SOX5: variants seen among roughly 807,000 people sequenced by gnomAD.
SOX5 encodes SRY-box transcription factor 5.
A neutral mutation model predicts 92.0 loss-of-function variants in SOX5; 9 were observed. The ratio of observed to expected loss-of-function variants is 0.10; its 90% CI spans 0.06 to 0.17. SOX5 has a LOEUF of 0.17. Among genes scored for constraint, SOX5 ranks in the 10% least tolerant of loss-of-function variants. The probability of loss-of-function intolerance (pLI) is 1.00; values close to 1 mark genes in which losing one functional copy is unlikely to be tolerated. For missense variants in SOX5, 642 were observed against 944.5 expected (o/e 0.68, Z 4.20); for synonymous variants, 344 against 336.3 (o/e 1.02, Z -0.25).
intron 3 of SOX5, among the ~76,000 whole-genome samples, chr12:24,270,428 A>G (rs1368669388): frequency 6.6e-6 from 1 of 152,164 alleles, no homozygotes; most frequent in Non-Finnish European, 1.5e-5. Context: ...CATTTAATTT[A>G]TACTATTTGC....
At chr12:23,692,304 G>A (rs2088976931) in intron 6 of SOX5, among the ~76,000 whole-genome samples, 1 of 152,056 alleles carries the variant, frequency 6.6e-6, no homozygotes, top group South Asian at 2.1e-4. Context: ...AGGCATGGCA[G>A]CCGGCGCCTG....
intron 7 of SOX5, among the ~76,000 whole-genome samples, chr12:23,659,492 T>C (rs905022642): frequency 2.6e-4 from 40 of 152,336 alleles, no homozygotes; most frequent in African/African-American, 9.6e-4. Flanking sequence ...TTTCAATCAG[T>C]AACTTTATAT....
At chr12:24,113,689 G>A (rs1435313460) in intron 4 of SOX5, among the ~76,000 whole-genome samples, 2 of 152,078 alleles carry the variant, frequency 1.3e-5, no homozygotes, top group East Asian at 3.8e-4. Flanking sequence ...ACAGATTTCT[G>A]GACAATGAAA....
intron 4 of SOX5, among the ~76,000 whole-genome samples, chr12:23,985,242 T>TTATATTTATTTA (rs1555461588): frequency 6.7e-6 from 1 of 149,090 alleles, no homozygotes; most frequent in Admixed American, 6.7e-5. Flanking sequence ...TTTTTTTGAA[T>TTATATTTATTTA]TTTATTTATT....
chr12:24,377,894 CAGA>C (rs1957448708), intron 1 of SOX5, among the ~76,000 whole-genome samples: 1 of 152,154 alleles, frequency 6.6e-6, no homozygotes, highest in South Asian at 2.1e-4. Context: ...TTTGGAAAAT[CAGA>C]AGGTCAAAAG....
chr12:24,093,011 T>G (rs1334209542), intron 4 of SOX5, among the ~76,000 whole-genome samples: 1 of 152,140 alleles, frequency 6.6e-6, no homozygotes, highest in African/African-American at 2.4e-5. Context: ...CCATCTCATC[T>G]TAAAAAATCA....
intron 3 of SOX5, among the ~76,000 whole-genome samples, chr12:23,834,993 G>C (rs925417199): frequency 1.3e-5 from 2 of 151,780 alleles, no homozygotes; most frequent in Non-Finnish European, 2.9e-5. Flanking sequence ...TCTTGACATG[G>C]TAAAAATTAT....
chr12:23,792,699 T>C (rs1385976949), intron 3 of SOX5, among the ~76,000 whole-genome samples: 2 of 137,092 alleles, frequency 1.5e-5, no homozygotes, highest in Non-Finnish European at 3.1e-5. Context: ...CAGTTTCAGA[T>C]GCTGCCAAAG....
intron 1 of SOX5, among the ~76,000 whole-genome samples, chr12:23,917,293 C>A (rs982467125): frequency 1.3e-5 from 2 of 152,096 alleles, no homozygotes; most frequent in African/African-American, 2.4e-5. Context: ...GTAATCCTAG[C>A]ACTTTGGGAG....
chr12:23,835,631 G>C (rs77678135), intron 3 of SOX5, among the ~76,000 whole-genome samples: 10,078 of 151,744 alleles, frequency 0.066, 439 homozygotes, highest in East Asian at 0.11. Context: ...ATTTACTTTA[G>C]TAGAAAACTA....
At chr12:24,362,860 C>A in intron 2 of SOX5, among the ~76,000 whole-genome samples, 5 of 120,542 alleles carry the variant, frequency 4.1e-5, no homozygotes, top group African/African-American at 6.4e-5. Flanking sequence ...GCTAAGAAAC[C>A]ACAGTGAAAA....
chr12:24,420,275 G>A (rs999215337), intron 1 of SOX5, among the ~76,000 whole-genome samples: 62 of 152,104 alleles, frequency 4.1e-4, no homozygotes, highest in African/African-American at 1.4e-3. Flanking sequence ...AGAAAACAGC[G>A]CTTCTTGGAG....
intron 4 of SOX5, among the ~76,000 whole-genome samples, chr12:24,053,554 C>T (rs1957801240): frequency 6.6e-6 from 1 of 152,002 alleles, no homozygotes; most frequent in Non-Finnish European, 1.5e-5. Context: ...TAACTTTGCC[C>T]AAAAAAATTT....
intron 4 of SOX5, among the ~76,000 whole-genome samples, chr12:24,007,793 GCA>G (rs66700500): frequency 0.027 from 953 of 34,814 alleles, 330 homozygotes; most frequent in African/African-American, 0.069. Context: ...ACATACGCAC[GCA>G]CACACACACA....
intron 2 of SOX5, among the ~76,000 whole-genome samples, chr12:23,871,826 G>C (rs983615376): frequency 1.3e-5 from 2 of 151,962 alleles, no homozygotes; most frequent in African/African-American, 4.8e-5. Flanking sequence ...AAAGTATTAT[G>C]GGTTCCGGCA....
intron 9 of SOX5, among the ~76,000 whole-genome samples, chr12:23,578,141 A>AAAAAAAAAAAAAAAAAAAC (rs1565983838): frequency 1.5e-5 from 2 of 136,374 alleles, no homozygotes; most frequent in African/African-American, 5.3e-5. Flanking sequence ...AAAAAAAAAA[A>AAAAAAAAAAAAAAAAAAAC]AAAAAAAAAC....
intron 4 of SOX5, among the ~76,000 whole-genome samples, chr12:23,960,044 TTCTCTTA>T (rs1471657161): frequency 6.6e-6 from 1 of 152,200 alleles, no homozygotes; most frequent in Non-Finnish European, 1.5e-5. Flanking sequence ...CTCAGCCACC[TTCTCTTA>T]TTCTTGTTTT....
At chr12:23,572,054 T>A (rs1948456013) in intron 10 of SOX5, among the ~76,000 whole-genome samples, 1 of 152,196 alleles carries the variant, frequency 6.6e-6, no homozygotes, top group African/African-American at 2.4e-5. Context: ...ATTCATACCT[T>A]TTAAGGATCT....
intron 4 of SOX5, among the ~76,000 whole-genome samples, chr12:24,204,117 G>T (rs895767234): frequency 2.6e-5 from 4 of 151,966 alleles, no homozygotes; most frequent in African/African-American, 4.8e-5. Context: ...TTTCTGGTTT[G>T]TCCTTCCTAT....
Sources: gnomAD v4.1 joint callset for allele counts (sites outside exome capture counted in the v4.1 genomes callset) on GRCh38, gnomAD v4.1.1 for gene constraint, MANE v1.5 for transcripts, NCBI Gene and HGNC (gene_info 2026-07-23, HGNC 2026-07-21) for gene names.